The following DOP1A variants were observed in gnomAD, a reference collection of about 807,000 sequenced individuals.
DOP1A encodes the protein protein DOP1A.
In DOP1A, 90 loss-of-function variants were observed where a neutral mutation model predicts 267.6. The ratio of observed to expected loss-of-function variants is 0.34; its 90% confidence interval spans 0.28 to 0.40. The LOEUF is 0.40. Ranked by LOEUF, DOP1A falls within the 10% of genes least tolerant of loss-of-function variation. The pLI is 1.00. For missense variants in DOP1A, 2,437 were observed against 2,900.4 expected, an observed-to-expected ratio of 0.84 and a Z score of 3.67; for synonymous variants, 932 against 999.1, an observed-to-expected ratio of 0.93 and a Z score of 1.27.
rs564812779 is a variant in DOP1A at position 83,127,865 on chromosome 6, T to C, written c.1720-1022T>C. 7.9e-5 allele frequency among the ~76,000 whole-genome samples: 12 copies of C among 152,274 alleles called. No homozygotes were observed. In the South Asian group the frequency reaches 2.3e-3, roughly 29 times the overall value. On this transcript the variant is annotated intron_variant, in intron 15 of 38. Coordinates refer to ENST00000349129, the MANE Select transcript of DOP1A (RefSeq NM_015018.4). The stretch of plus-strand genomic sequence containing the variant: ...TGTAATCCTCATAGCAATTGTAAAA[T>C]GTAGGAATTACTGTCTCTCAATTAT...
intron 27 of DOP1A, 27 bp from the exon 28 acceptor site, chr6:83,151,566 T>C (rs369348792): frequency 6.4e-7 from 1 of 1,569,826 alleles, no homozygotes; most frequent in Non-Finnish European, 8.6e-7. Flanking sequence ...ATATTTCCCG[T>C]TTCTGTTTTC....
intron 1 of DOP1A, among the ~76,000 whole-genome samples, chr6:83,085,171 G>GA (rs1427713295): frequency 1.1e-4 from 16 of 152,046 alleles, no homozygotes; most frequent in Non-Finnish European, 1.9e-4. Flanking sequence ...GCTTTTCTCA[G>GA]AAAAAACAAA....
chr6:83,126,604 T>C (rs1451253149), intron 15 of DOP1A, among the ~76,000 whole-genome samples: 5 of 152,122 alleles, frequency 3.3e-5, no homozygotes, highest in African/African-American at 9.7e-5. Context: ...GTGGTAGGAA[T>C]ATGGAAAATG....
chr6:83,106,643 TA>T (rs1378512541), intron 4 of DOP1A, among the ~76,000 whole-genome samples: 1 of 151,846 alleles, frequency 6.6e-6, no homozygotes, highest in African/African-American at 2.4e-5. Flanking sequence ...AACCTCATCT[TA>T]ACTAAAAATA....
chr6:83,097,822 G>C (rs1012308791), intron 3 of DOP1A, among the ~76,000 whole-genome samples: 11 of 151,448 alleles, frequency 7.3e-5, no homozygotes, highest in Non-Finnish European at 1.5e-4. Flanking sequence ...TAGGAAAGGA[G>C]TGGCCTTCCA....
At chr6:83,117,119 T>TTTTA (rs1775571298) in intron 7 of DOP1A, among the ~76,000 whole-genome samples, 60 of 131,354 alleles carry the variant, frequency 4.6e-4, no homozygotes, top group African/African-American at 1.6e-3. Flanking sequence ...TTTTAGTACT[T>TTTTA]TTTTATTTTA....
intron 26 of DOP1A, among the ~76,000 whole-genome samples, chr6:83,148,389 G>A (rs1239118833): frequency 1.3e-5 from 2 of 151,930 alleles, no homozygotes. Context: ...GCTCCAGCCT[G>A]GGCAACAGAG....
Position 83,132,236 on chromosome 6 carries a change from A to T in DOP1A, c.2677A>T (p.Ser893Cys). 1 of 1,613,832 alleles carries T rather than the reference A, an allele frequency of 6.2e-7. No homozygotes were observed. Among genetic ancestry groups the T allele is most frequent in the Non-Finnish European group, 8.5e-7 (1 of 1,179,808 alleles). Reference sequence around the variant, plus strand: ...TGGGACACCTCAGCATCACCAGAAGAGTGTGGAACTATTTTATCAATTACA... The same window carrying T: ...TGGGACACCTCAGCATCACCAGAAGTGTGTGGAACTATTTTATCAATTACA... ...GDGTPQHHQK[S>C]VELFYQLHNL... The change falls in exon 18 of 39, where the codon AGT becomes TGT. Residue 893 changes from serine to cysteine, a missense_variant. Transcript: ENST00000349129.
At chr6:83,074,858 C>T (rs73481088) in intron 1 of DOP1A, among the ~76,000 whole-genome samples, 2 of 152,266 alleles carry the variant, frequency 1.3e-5, no homozygotes, top group East Asian at 1.9e-4. Context: ...ATTGCTTGAG[C>T]CCAGCAATGC....
At chr6:83,120,969 C>A (rs553482422) in intron 10 of DOP1A, among the ~76,000 whole-genome samples, 178 bp downstream of exon 10, 4 of 151,946 alleles carry the variant, frequency 2.6e-5, no homozygotes, top group East Asian at 3.9e-4. Context: ...CCACCTGATA[C>A]GTTATTATGT....
intron 4 of DOP1A, among the ~76,000 whole-genome samples, chr6:83,101,327 T>A (rs1772554090): frequency 6.6e-6 from 1 of 152,200 alleles, no homozygotes; most frequent in Admixed American, 6.5e-5. Flanking sequence ...CAGATATCAA[T>A]CTTAAATATT....
chr6:83,164,450 T>A (rs1478329744), intron 38 of DOP1A, among the ~76,000 whole-genome samples: 2 of 152,124 alleles, frequency 1.3e-5, no homozygotes, highest in African/African-American at 4.8e-5. Flanking sequence ...TGCCTGCCTT[T>A]CATTAGTAAT....
At chr6:83,123,970 C>A (rs1776736962) in intron 12 of DOP1A, among the ~76,000 whole-genome samples, 3 of 151,986 alleles carry the variant, frequency 2.0e-5, no homozygotes, top group Admixed American at 2.0e-4. Flanking sequence ...GCTATTCCTT[C>A]TGAAATACTC....
chr6:83,160,555 A>G (rs935718391), intron 37 of DOP1A, among the ~76,000 whole-genome samples: 5 of 152,210 alleles, frequency 3.3e-5, no homozygotes, highest in Non-Finnish European at 5.9e-5. Flanking sequence ...TATTTTGGCT[A>G]TGTAGTGTGG....
At chr6:83,147,131 AT>A (rs1323591172) in intron 25 of DOP1A, 104 bp from the exon 26 acceptor site, 3 of 467,914 alleles carry the variant, frequency 6.4e-6, no homozygotes, top group Non-Finnish European at 7.5e-6. Context: ...TGTTCTTTCA[AT>A]TTTTTTAATT....
downstream of DOP1A, chr6:83,169,229 T>C (rs1227837710): frequency 1.2e-6 from 2 of 1,613,906 alleles, no homozygotes. Flanking sequence ...ATATGAAAAT[T>C]ATCTTCAGAA....
At chr6:83,114,529 A>G (rs1316251257) in intron 7 of DOP1A, among the ~76,000 whole-genome samples, 2 of 152,190 alleles carry the variant, frequency 1.3e-5, no homozygotes, top group African/African-American at 4.8e-5. Flanking sequence ...TAAATTATGT[A>G]CTGTCTGGAT....
chr6:83,160,109 A>T, intron 37 of DOP1A, 149 bp downstream of exon 37: 1 of 777,238 alleles, frequency 1.3e-6, no homozygotes, highest in Non-Finnish European at 2.0e-6. Context: ...CAGCAGAGTT[A>T]TCGGAAGTAA....
chr6:83,081,469 T>A (rs192358944), intron 1 of DOP1A, among the ~76,000 whole-genome samples: 106 of 152,238 alleles, frequency 7.0e-4, no homozygotes, highest in Non-Finnish European at 1.3e-3. Flanking sequence ...GACATTCTCT[T>A]CAGTAAATCG....
Sources: gnomAD v4.1 joint callset for allele counts (sites outside exome capture counted in the v4.1 genomes callset) on GRCh38, gnomAD v4.1.1 for gene constraint, MANE v1.5 for transcripts, NCBI Gene and HGNC (gene_info 2026-07-23, HGNC 2026-07-21) for gene names.